PMF1: variants seen among roughly 807,000 people sequenced by gnomAD.
PMF1 encodes the protein polyamine-modulated factor 1.
A neutral mutation model predicts 26.7 loss-of-function variants in PMF1; 21 were observed. The observed-to-expected ratio is 0.79, with a 90% CI of 0.56 to 1.13. The LOEUF (loss-of-function observed/expected upper bound fraction) is 1.13. Among genes scored for constraint, PMF1 ranks in the 50% most tolerant of loss-of-function variants. PMF1 has a pLI of 0.00. For missense variants in PMF1, 266 were observed against 254.9 expected (o/e 1.04, Z -0.30); for synonymous variants, 105 against 101.0 (o/e 1.04, Z -0.24).
In PMF1 at chr1:156,213,888, T is replaced by G. The variant is rs556594969; in HGVS notation, c.161+712T>G. ...GTGTTACCATGAAAAGAAACATTTT[T>G]CCTGTCTCGACTTTTATTTTATTTA... On this transcript the variant is annotated intron_variant, in intron 1 of 4. Transcript: ENST00000368277. Among the ~76,000 whole-genome samples the G allele has an allele frequency of 2.0e-5, 3 of 152,282 alleles. No homozygotes were observed. The South Asian group carries it at 6.2e-4, about 32-fold the overall frequency.
At chr1:156,214,155 C>G (rs1657554719) in intron 1 of PMF1, among the ~76,000 whole-genome samples, 1 of 152,110 alleles carries the variant, frequency 6.6e-6, no homozygotes, top group Non-Finnish European at 1.5e-5. Context: ...ACCTCGTGAT[C>G]CACCCACCTC....
At chr1:156,237,530 T>C (rs1222863149) in intron 4 of PMF1, among the ~76,000 whole-genome samples, 1 of 141,118 alleles carries the variant, frequency 7.1e-6, no homozygotes, top group Non-Finnish European at 1.5e-5. Flanking sequence ...CACTGCAACC[T>C]CCACTTCCCA....
rs920366976 is a variant in PMF1, at chr1:156,238,889, C to CA, written c.565-659_565-658insA. Among the ~76,000 whole-genome samples the CA allele has an allele frequency of 2.6e-5, 4 of 152,022 alleles. No individual in the cohort carries two copies. In the East Asian group the frequency reaches 7.7e-4, roughly 29 times the overall value. ...AAAGTGGTGGTGACAAAGGCCCCCC[C>CA]CCCAAGCCTGGTGCCATCTTGCAGG... On this transcript the variant is annotated intron_variant, in intron 4 of 4. Coordinates refer to ENST00000368277, the MANE Select transcript of PMF1 (RefSeq NM_007221.4).
At chr1:156,232,452 C>CTGT in intron 2 of PMF1, 27 bp downstream of exon 2, 1 of 1,608,506 alleles carries the variant, frequency 6.2e-7, no homozygotes, top group Non-Finnish European at 8.5e-7. Context: ...CTGGCAGGTG[C>CTGT]TGTTGACTTG....
intron 3 of PMF1, among the ~76,000 whole-genome samples, chr1:156,234,060 T>G (rs1201328939): frequency 6.6e-6 from 1 of 152,052 alleles, no homozygotes; most frequent in Non-Finnish European, 1.5e-5. Flanking sequence ...CTGGGCAATA[T>G]AGTGAGACCC....
intron 1 of PMF1, among the ~76,000 whole-genome samples, chr1:156,215,792 G>A (rs1437901871): frequency 3.3e-5 from 5 of 152,136 alleles, no homozygotes; most frequent in Middle Eastern, 3.4e-3. Flanking sequence ...GGGTTCAAGC[G>A]ATTCTCCTGT....
chr1:156,220,572 G>A (rs72708294), intron 1 of PMF1: 2,721 of 151,724 alleles, frequency 0.018, 42 homozygotes, highest in South Asian at 0.041. Flanking sequence ...AAACTACCCC[G>A]TTCAACGTAA....
At chr1:156,224,648 C>A (rs1178113900) in intron 1 of PMF1, among the ~76,000 whole-genome samples, 1 of 151,812 alleles carries the variant, frequency 6.6e-6, no homozygotes, top group Non-Finnish European at 1.5e-5. Context: ...CCTGTAGTCC[C>A]AGCTACTCGG....
chr1:156,225,282 C>CTTTTTT (rs58481427), intron 1 of PMF1, among the ~76,000 whole-genome samples: 1 of 71,708 alleles, frequency 1.4e-5, no homozygotes, highest in African/African-American at 4.8e-5. Context: ...CAGTCCTCAG[C>CTTTTTT]TTTTTTTTTT....
rs147506710 is a variant in PMF1 at position 156,216,370 on chromosome 1, A to C, written c.161+3194A>C. The stretch of plus-strand genomic sequence containing the variant: ...CCCACCATTGCATTCTAGCCTGGGC[A>C]ACAGAGTGAGACTCTATCTCAAAAA... On this transcript the variant is annotated intron_variant, in intron 1 of 4. Transcript: ENST00000368277. Among the ~76,000 whole-genome samples, 704 of 152,290 alleles carry C rather than the reference A, an allele frequency of 4.6e-3. 1 individual carries two copies. Among genetic ancestry groups the C allele is most frequent in the Non-Finnish European group, 8.4e-3 (574 of 68,022 alleles).
chr1:156,223,219 G>A (rs956383629), intron 1 of PMF1: 2 of 152,212 alleles, frequency 1.3e-5, no homozygotes, highest in African/African-American at 4.8e-5. Flanking sequence ...ACCTCTTTCT[G>A]TCCCCACTGT....
At chr1:156,235,923 C>T (rs910861997) in intron 3 of PMF1, among the ~76,000 whole-genome samples, 2 of 152,264 alleles carry the variant, frequency 1.3e-5, no homozygotes, top group East Asian at 3.9e-4. Flanking sequence ...ACTGGATGCA[C>T]CAGCCGGGCA....
chr1:156,235,277 C>T (rs1658940835), intron 3 of PMF1, among the ~76,000 whole-genome samples: 1 of 150,148 alleles, frequency 6.7e-6, no homozygotes, highest in Admixed American at 6.6e-5. Flanking sequence ...GCGCCCGCCA[C>T]CACACCTGGC....
At chr1:156,225,454 C>T in intron 1 of PMF1, 2 of 676,410 alleles carry the variant, frequency 3.0e-6, no homozygotes, top group Non-Finnish European at 5.4e-6. Flanking sequence ...ACCCCCCTCC[C>T]ACCCTTTCCC....
chr1:156,217,441 T>G (rs1364867830), intron 1 of PMF1, among the ~76,000 whole-genome samples: 1 of 152,078 alleles, frequency 6.6e-6, no homozygotes, highest in Non-Finnish European at 1.5e-5. Context: ...TCTAACCATG[T>G]CAGGCCAGGT....
chr1:156,214,878 A>T lies in PMF1; in HGVS notation c.161+1702A>T, dbSNP rs1427557675. Among the ~76,000 whole-genome samples, 523 of 148,992 alleles carry T rather than the reference A, an allele frequency of 3.5e-3. 2 individuals are homozygous for T. The highest frequency in any genetic ancestry group is 0.012 in the African/African-American group (467 of 40,306). On this transcript the variant is annotated intron_variant, in intron 1 of 4. Transcript: ENST00000368277. ...GAACCAGATTATTATTATTATTATT[A>T]TTATTATTTTTTTTTTTTAGGCAGT...
Position 156,233,648 on chromosome 1 carries a change from A to G in PMF1, c.288A>G (p.Lys96=). 6.2e-7 allele frequency: 1 copy of G among 1,614,054 alleles called. No homozygotes were observed. The highest frequency in any genetic ancestry group is 2.2e-5 in the East Asian group (1 of 44,882). The stretch of plus-strand genomic sequence containing the variant: ...TTCAGGAGGAAATCTCTGACATCAA[A>G]GAGGAGGGGAACCTAGAAGCTGTCT... The part of the protein sequence containing the change: ...TSIREEISDI[K]EEGNLEAVLN... Residue 96 remains lysine (K), a synonymous_variant, in exon 3 of 5, where the codon AAA becomes AAG. Transcript: ENST00000368277.
chr1:156,214,327 T>C (rs1295140064), intron 1 of PMF1, among the ~76,000 whole-genome samples: 1 of 152,184 alleles, frequency 6.6e-6, no homozygotes, highest in Non-Finnish European at 1.5e-5. Flanking sequence ...AGCCTCTCCT[T>C]CTCTAGCCCT....
At chr1:156,231,842 A>G (rs1658729010) in intron 1 of PMF1, among the ~76,000 whole-genome samples, 2 of 152,208 alleles carry the variant, frequency 1.3e-5, no homozygotes, top group Admixed American at 6.5e-5. Context: ...GCCAAAGAGC[A>G]TCACCTGGAT....
Sources: gnomAD v4.1 joint callset for allele counts (sites outside exome capture counted in the v4.1 genomes callset) on GRCh38, gnomAD v4.1.1 for gene constraint, MANE v1.5 for transcripts, NCBI Gene and HGNC (gene_info 2026-07-23, HGNC 2026-07-21) for gene names.